The following KLRG1 variants were observed in gnomAD, a reference collection of about 807,000 sequenced individuals.
The protein encoded by KLRG1 is killer cell lectin like receptor G1.
KLRG1 carries 16 observed loss-of-function variants against 21.8 expected under a neutral mutation model. That is an observed-to-expected ratio of 0.73 (90% CI 0.50 to 1.11). The LOEUF (loss-of-function observed/expected upper bound fraction) is 1.11. Among genes scored for constraint, KLRG1 ranks in the 50% most tolerant of loss-of-function variants. The pLI is 0.00. For synonymous variants in KLRG1, 69 were observed against 75.9 expected (o/e 0.91, Z 0.47); for missense variants, 173 against 218.3 (o/e 0.79, Z 1.31).
the KLRG1 span, among the ~76,000 whole-genome samples, chr12:9,136,760 G>T: frequency 1.3e-5 from 2 of 151,906 alleles, no homozygotes; most frequent in African/African-American, 4.8e-5. Context: ...GTTTTGATTT[G>T]CATTTCCCTG....
At chr12:9,146,222 T>C in the KLRG1 span, among the ~76,000 whole-genome samples, 1 of 152,088 alleles carries the variant, frequency 6.6e-6, no homozygotes, top group Admixed American at 6.5e-5. Flanking sequence ...TATTTCTTTG[T>C]CTTTTTTTCT....
At chr12:9,045,712 A>T in the KLRG1 span, among the ~76,000 whole-genome samples, 1 of 152,248 alleles carries the variant, frequency 6.6e-6, no homozygotes, top group African/African-American at 2.4e-5. Context: ...ATAAAAGTAC[A>T]GTATTCTATT....
intron 1 of KLRG1, among the ~76,000 whole-genome samples, chr12:8,956,380 G>A (rs146844659): frequency 3.3e-5 from 5 of 152,288 alleles, no homozygotes; most frequent in African/African-American, 9.6e-5. Context: ...GAGACTCTTC[G>A]GGGTGCAGAC....
the KLRG1 span, chr12:9,192,770 C>T: frequency 6.8e-7 from 1 of 1,473,598 alleles, no homozygotes; most frequent in African/African-American, 1.4e-5. Flanking sequence ...AGAAAGAATA[C>T]TGTCTTGAAA....
the KLRG1 span, among the ~76,000 whole-genome samples, chr12:9,211,744 C>T: frequency 6.6e-6 from 1 of 152,186 alleles, no homozygotes; most frequent in Non-Finnish European, 1.5e-5. Flanking sequence ...ACTGGTTTTA[C>T]AGGTAAAGAT....
At chr12:9,199,272 G>T in the KLRG1 span, among the ~76,000 whole-genome samples, 8 of 152,268 alleles carry the variant, frequency 5.3e-5, no homozygotes, top group African/African-American at 1.7e-4. Context: ...CTTTTGCCCA[G>T]TAATTGTGAC....
intron 2 of KLRG1, among the ~76,000 whole-genome samples, chr12:8,993,704 G>A (rs1947047722): frequency 6.6e-6 from 1 of 152,194 alleles, no homozygotes; most frequent in Non-Finnish European, 1.5e-5. Flanking sequence ...GCTGAGTAAT[G>A]TCACAGTTGT....
At chr12:9,059,117 C>T in the KLRG1 span, among the ~76,000 whole-genome samples, 1 of 152,140 alleles carries the variant, frequency 6.6e-6, no homozygotes, top group South Asian at 2.1e-4. Context: ...GCGTCTTTAG[C>T]ATTTGTTTGA....
At chr12:9,106,364 A>G in the KLRG1 span, 3 of 1,561,846 alleles carry the variant, frequency 1.9e-6, no homozygotes, top group African/African-American at 1.4e-5. Context: ...AGAGAAAAAA[A>G]TCTGTTATTT....
the KLRG1 span, among the ~76,000 whole-genome samples, chr12:9,202,000 TA>T: frequency 4.2e-4 from 64 of 152,354 alleles, no homozygotes; most frequent in South Asian, 8.3e-4. Flanking sequence ...GTTGCTTTTT[TA>T]ATCATAAATT....
the KLRG1 span, chr12:9,057,738 G>A: frequency 6.5e-6 from 1 of 152,702 alleles, no homozygotes; most frequent in Admixed American, 6.5e-5. Flanking sequence ...AAAGGAAGGA[G>A]TAATAATGCG....
chr12:9,112,513 C>T, the KLRG1 span: 1 of 1,613,718 alleles, frequency 6.2e-7, no homozygotes, highest in Non-Finnish European at 8.5e-7. Context: ...ACATTACCTC[C>T]TCATTGGATG....
the KLRG1 span, among the ~76,000 whole-genome samples, chr12:9,133,056 T>G: frequency 4.6e-5 from 7 of 151,226 alleles, no homozygotes; most frequent in Admixed American, 2.6e-4. Context: ...AAGGTGTGGG[T>G]TTTTTTTTCA....
At chr12:8,997,618 G>A (rs559112386) in intron 3 of KLRG1, among the ~76,000 whole-genome samples, 134 of 152,148 alleles carry the variant, frequency 8.8e-4, no homozygotes, top group Middle Eastern at 3.4e-3. Context: ...GAATCTACAG[G>A]CCTATGGAAA....
At chr12:9,037,642 C>A in the KLRG1 span, among the ~76,000 whole-genome samples, 2 of 152,336 alleles carry the variant, frequency 1.3e-5, no homozygotes, top group African/African-American at 4.8e-5. Flanking sequence ...TCACCCAGAG[C>A]AACTTCCAGT....
chr12:9,126,113 C>G, the KLRG1 span, among the ~76,000 whole-genome samples: 2 of 152,114 alleles, frequency 1.3e-5, no homozygotes, highest in African/African-American at 4.8e-5. Context: ...CAGAATATAC[C>G]ACAATCATAC....
chr12:8,978,651 T>TCTTC (rs1491157224), intron 1 of KLRG1, among the ~76,000 whole-genome samples: 1 of 126,110 alleles, frequency 7.9e-6, no homozygotes, highest in African/African-American at 2.7e-5. Context: ...TTTCTTTCTT[T>TCTTC]CTTTCTTTCT....
At chr12:9,102,417 C>T in the KLRG1 span, among the ~76,000 whole-genome samples, 312 of 152,154 alleles carry the variant, frequency 2.1e-3, 2 homozygotes, top group Non-Finnish European at 3.7e-3. Flanking sequence ...GGTTTCACCA[C>T]GTTGCCTAGG....
intron 2 of KLRG1, 61 bp from the exon 3 acceptor site, chr12:8,995,058 C>A: frequency 7.0e-7 from 1 of 1,438,676 alleles, no homozygotes; most frequent in South Asian, 1.4e-5. Context: ...TTTTATCTCC[C>A]ATTTCATTTC....
Sources: allele counts gnomAD v4.1 joint callset (sites outside exome capture counted in the v4.1 genomes callset), GRCh38; gene constraint gnomAD v4.1.1; transcripts MANE v1.5; gene names NCBI Gene and HGNC (gene_info 2026-07-23, HGNC 2026-07-21).